Variants in TP53I13 observed in about 807,000 individuals in gnomAD.
TP53I13 encodes tumor protein p53-inducible protein 13.
TP53I13 carries 27 observed loss-of-function variants against 39.1 expected under a neutral mutation model. The observed-to-expected ratio is 0.69, with a 90% CI of 0.51 to 0.95. TP53I13 has a LOEUF of 0.95. TP53I13 is among the 40% of genes least tolerant of loss of function. TP53I13 has a pLI of 0.00. For missense variants in TP53I13, 544 were observed against 520.4 expected, an observed-to-expected ratio of 1.05 and a Z score of -0.44; for synonymous variants, 230 against 224.6, an observed-to-expected ratio of 1.02 and a Z score of -0.22.
At chr17:29,575,560 A>G (rs1247895090), downstream of TP53I13, 6 of 1,563,088 alleles carry the variant, frequency 3.8e-6, no homozygotes, top group East Asian at 2.3e-5. The surrounding 1 kb of genome is among the most constrained non-coding windows in gnomAD (Gnocchi z 5.5). Flanking sequence ...GTCCTCACAC[A>G]CTGGGGGCCC....
At chr17:29,570,799 C>T (rs956084885) in intron 3 of TP53I13, 1 of 152,314 alleles carries the variant, frequency 6.6e-6, no homozygotes, top group African/African-American at 2.4e-5. Context: ...CCCCTTTGCT[C>T]CTGTTTATTC....
chr17:29,582,252 C>G, the TP53I13 span: 15 of 753,830 alleles, frequency 2.0e-5, no homozygotes, highest in African/African-American at 3.4e-5. Context: ...TCCAAGGAGG[C>G]CTGCCCAAAC....
rs1277892682 is a variant in TP53I13 at position 29,571,884 on chromosome 17, G to C, written c.340G>C (p.Ala114Pro). ...RPLVLTAWGL[A>P]LEMAWVEPAW... Reference sequence around the variant, plus strand: ...CCTGGTGCTGACTGCATGGGGGCTGGCGCTGGAGATGGCCTGGGTAGAGCC... The same window carrying C: ...CCTGGTGCTGACTGCATGGGGGCTGCCGCTGGAGATGGCCTGGGTAGAGCC... Residue 114 changes from alanine (A) to proline (P), a missense_variant, in exon 5 of 7, where the codon GCG (alanine) becomes CCG (proline). Ala to Pro is a conservative substitution (Grantham distance 27). Coordinates refer to ENST00000301057, the MANE Select transcript of TP53I13 (RefSeq NM_138349.4). 1.2e-6 allele frequency: 2 copies of C among 1,613,212 alleles called. No individual in the cohort carries two copies. The highest frequency in any genetic ancestry group is 1.6e-4 in the Middle Eastern group (1 of 6,062).
At chr17:29,576,526 CGCT>C (rs2033209057), downstream of TP53I13, 1 of 1,613,836 alleles carries the variant, frequency 6.2e-7, no homozygotes, top group Admixed American at 1.7e-5. Context: ...CCTCACCTCT[CGCT>C]GCAGCCTCCG....
upstream of TP53I13, chr17:29,566,942 C>T: frequency 7.0e-7 from 1 of 1,422,608 alleles, no homozygotes; most frequent in Non-Finnish European, 9.1e-7. Context: ...AAGATGAGCG[C>T]GAGGGCGGCG....
rs1422924756 is a variant in TP53I13 at position 29,572,913 on chromosome 17, A to G, written c.1171A>G (p.Ser391Gly). The G allele has an allele frequency of 4.7e-6, 7 of 1,499,148 alleles. No homozygotes were observed. The South Asian group carries it at 5.0e-5, about 11-fold the overall frequency. 92.9% of individuals were successfully genotyped at this position (1,499,148 alleles called of 1,614,324 possible). Reference protein sequence around the residue: ...PTPDSGPEGESSE With the variant: ...PTPDSGPEGEGSE ...GCCGGACAGCGGCCCGGAAGGCGAGAGCTCGGAGTGACGGCCTGGGACCTG... is the reference window on the plus strand; with the variant it reads ...GCCGGACAGCGGCCCGGAAGGCGAGGGCTCGGAGTGACGGCCTGGGACCTG... The change falls in exon 7 of 7, where the codon AGC (serine) becomes GGC (glycine). Residue 391 changes from serine to glycine, a missense_variant. Transcript: ENST00000301057.
chr17:29,581,965 G>A, the TP53I13 span: 9 of 1,612,942 alleles, frequency 5.6e-6, no homozygotes, highest in East Asian at 2.0e-4. The surrounding 1 kb of genome is among the most constrained non-coding windows in gnomAD (Gnocchi z 4.8). Flanking sequence ...TAACATCAGG[G>A]GAGCCAGGGT....
At chr17:29,566,900 G>A, upstream of TP53I13, 4 of 1,490,828 alleles carry the variant, frequency 2.7e-6, no homozygotes, top group Non-Finnish European at 8.9e-7. Context: ...CGGAGCCGCG[G>A]GCCGAGCAGG....
chr17:29,574,526 C>T (rs760383808), downstream of TP53I13: 2 of 673,508 alleles, frequency 3.0e-6, no homozygotes, highest in East Asian at 2.5e-5. Flanking sequence ...CCCCACCTCC[C>T]CATCCTTAGG....
At chr17:29,566,461 C>A (rs760335631), upstream of TP53I13, 8 of 1,612,176 alleles carry the variant, frequency 5.0e-6, no homozygotes, top group Non-Finnish European at 6.8e-6. Flanking sequence ...GCGGGTGAGG[C>A]GACCCCACGC....
chr17:29,574,729 G>T, downstream of TP53I13: 1 of 1,613,460 alleles, frequency 6.2e-7, no homozygotes, highest in Non-Finnish European at 8.5e-7. Flanking sequence ...GGGTGGTGAT[G>T]GTGACCAGCT....
At chr17:29,566,847 C>A (rs991793748), upstream of TP53I13, 5 of 1,514,164 alleles carry the variant, frequency 3.3e-6, no homozygotes, top group African/African-American at 7.2e-5. Flanking sequence ...GGTCTTGGGC[C>A]CCCGGCAGGG....
chr17:29,575,654 G>A (rs775716001), downstream of TP53I13: 20 of 1,612,334 alleles, frequency 1.2e-5, no homozygotes, highest in Admixed American at 8.3e-5. The surrounding 1 kb of genome is among the most constrained non-coding windows in gnomAD (Gnocchi z 5.5). Flanking sequence ...CCCACTTTGC[G>A]TGTTCTCATA....
chr17:29,570,273 T>C (rs538896253), intron 3 of TP53I13, among the ~76,000 whole-genome samples: 1 of 145,772 alleles, frequency 6.9e-6, no homozygotes, highest in African/African-American at 2.5e-5. Context: ...TTTAGGAGGC[T>C]GAGGCGGGTG....
Position 29,569,334 on chromosome 17 carries a change from C to T in TP53I13, c.158C>T (p.Thr53Ile). The T allele has an allele frequency of 1.2e-6, 2 of 1,613,816 alleles. No homozygotes were observed. Among genetic ancestry groups the T allele is most frequent in the Non-Finnish European group, 8.5e-7 (1 of 1,179,874 alleles). ...CATGTATAGGTGTCACCAAGAGTGA[C>T]CTACACACGAGTGAGCCCAGGGCAG... ...PLPPQVSPRV[T>I]YTRVSPGQAE... is the part of the protein sequence containing the mutation. Residue 53 changes from threonine to isoleucine, a missense_variant, in exon 3 of 7, where the codon ACC becomes ATC. Physicochemically the swap from Thr to Ile is moderately conservative, Grantham distance 89. Coordinates refer to ENST00000301057, the MANE Select transcript of TP53I13 (RefSeq NM_138349.4).
intron 3 of TP53I13, chr17:29,570,398 C>T (rs1199011654): frequency 6.6e-6 from 1 of 151,410 alleles, no homozygotes; most frequent in Non-Finnish European, 1.5e-5. Flanking sequence ...ATCCCAGCTA[C>T]TTGGGAGGCT....
the TP53I13 span, chr17:29,582,160 T>C: frequency 2.6e-6 from 4 of 1,537,476 alleles, no homozygotes; most frequent in Admixed American, 3.8e-5. Context: ...AGGAGCAGAG[T>C]GTGCAGTGAA....
the TP53I13 span, chr17:29,581,986 C>T: frequency 2.5e-6 from 4 of 1,612,770 alleles, no homozygotes; most frequent in Non-Finnish European, 3.4e-6. This position sits in a 1 kb window ranked among gnomAD's most constrained non-coding sequence, Gnocchi z 4.8. Context: ...CAGCCCCATA[C>T]ACTACAAGCA....
the TP53I13 span, chr17:29,581,801 A>G: frequency 6.8e-6 from 11 of 1,612,314 alleles, no homozygotes; most frequent in Non-Finnish European, 8.5e-6. The surrounding 1 kb of genome is among the most constrained non-coding windows in gnomAD (Gnocchi z 4.8). Context: ...TTGGCACTCA[A>G]CCAGCCTTTC....
Sources: gnomAD v4.1 joint callset for allele counts (sites outside exome capture counted in the v4.1 genomes callset) on GRCh38, gnomAD v4.1.1 for gene constraint, Gnocchi (gnomAD v3.1) non-coding constraint, MANE v1.5 for transcripts, NCBI Gene and HGNC (gene_info 2026-07-23, HGNC 2026-07-21) for gene names.